The following GNL3 variants were observed in gnomAD, a reference collection of about 807,000 sequenced individuals.
The protein encoded by GNL3 is guanine nucleotide-binding protein-like 3.
GNL3 carries 77 observed loss-of-function variants against 70.6 expected under a neutral mutation model. The observed-to-expected ratio is 1.09, with a 90% CI of 0.91 to 1.32. The LOEUF (loss-of-function observed/expected upper bound fraction) is 1.32. Among genes scored for constraint, GNL3 ranks in the 40% most tolerant of loss-of-function variants. GNL3 has a pLI of 0.00. For missense variants in GNL3, 634 were observed against 644.0 expected (o/e 0.98, Z 0.17); for synonymous variants, 252 against 216.1 (o/e 1.17, Z -1.46).
intron 5 of GNL3, among the ~76,000 whole-genome samples, chr3:52,688,418 A>G (rs1253073114): frequency 6.6e-6 from 1 of 152,164 alleles, no homozygotes; most frequent in East Asian, 1.9e-4. Context: ...CTTTTCACCA[A>G]CAAATCATTT....
In GNL3 at chr3:52,691,043, C is replaced by G. The variant is rs776439464; in HGVS notation, c.753C>G (p.Cys251Trp). The G allele has an allele frequency of 6.8e-6, 11 of 1,613,858 alleles. No homozygotes were observed. Among genetic ancestry groups the G allele is most frequent in the Non-Finnish European group, 9.3e-6 (11 of 1,179,746 alleles). The change falls in exon 8 of 15, where the codon TGC becomes TGG. Residue 251 changes from cysteine to tryptophan, a missense_variant. Transcript: ENST00000418458. ...WKLLGGFQET[C>W]SKAIRVGVIG... ...TTCTTGGAGGTTTTCAGGAAACTTG[C>G]AGCAAAGCCATTCGGGTTGGAGTAA... is the stretch of plus-strand genomic sequence containing the variant.
In GNL3 at chr3:52,690,658, T is replaced by C. The variant is rs779187542; in HGVS notation, c.608T>C (p.Val203Ala). Residue 203 changes from valine to alanine, a missense_variant, in exon 7 of 15, where the codon GTG becomes GCG. By Grantham distance (64) the Val-to-Ala change is moderately conservative. Transcript: ENST00000418458. Reference sequence around the variant, plus strand: ...TTGAAGAAAGAATTGCCAACAGTGGTGTTCAGAGCCTCAACAAAACCAAAG... The same window carrying C: ...TTGAAGAAAGAATTGCCAACAGTGGCGTTCAGAGCCTCAACAAAACCAAAG... ...NYLKKELPTV[V>A]FRASTKPKDK... 15 of 1,610,820 alleles carry C rather than the reference T, an allele frequency of 9.3e-6. No individual in the cohort carries two copies. The highest frequency in any genetic ancestry group is 1.3e-5 in the Non-Finnish European group (15 of 1,176,964).
In GNL3 at chr3:52,686,063, G is replaced by A; in HGVS notation, c.-30G>A. ...CACGTGGCGCCAGCGGAGGCAGGTT[G>A]ATGTGTTTGTGCTTCCTTCTACAGC... On this transcript the variant is annotated 5_prime_UTR_variant, in exon 1 of 15. Coordinates refer to ENST00000418458, the MANE Select transcript of GNL3 (RefSeq NM_014366.5). The A allele has an allele frequency of 1.0e-6, 1 of 996,976 alleles. No homozygotes were observed. The highest frequency in any genetic ancestry group is 1.6e-6 in the Non-Finnish European group (1 of 615,508). The allele number at this position is 996,976 out of a possible 1,614,324, so 61.8% of individuals were successfully genotyped here.
chr3:52,687,236 A>AT lies in GNL3; in HGVS notation c.73-6dup. 1 of 1,600,402 alleles carries AT rather than the reference A, an allele frequency of 6.2e-7. No homozygotes were observed. ...TTTTGTAAGCAGACAAAATCTCTTTATTTTAATAGGTTCGAGAACATCATC... is the reference window on the plus strand; with the variant it reads ...TTTTGTAAGCAGACAAAATCTCTTTATTTTTAATAGGTTCGAGAACATCATC... On this transcript the variant is annotated splice_polypyrimidine_tract_variant and intron_variant, in intron 2 of 14. Transcript: ENST00000418458.
intron 2 of GNL3, 22 bp from the exon 3 acceptor site, chr3:52,687,224 C>G (rs778047355): frequency 6.3e-7 from 1 of 1,589,938 alleles, no homozygotes; most frequent in East Asian, 2.2e-5. Context: ...TGTAAGCAGA[C>G]AAAATCTCTT....
At chr3:52,693,379 C>T (rs974671621) in intron 11 of GNL3, 29 bp from the exon 12 acceptor site, 1 of 1,613,898 alleles carries the variant, frequency 6.2e-7, no homozygotes, top group African/African-American at 1.3e-5. Context: ...AATAAACCTT[C>T]TTTTGACACA....
Position 52,693,775 on chromosome 3 carries a change from A to C in GNL3, c.1468A>C (p.Ser490Arg), listed in dbSNP as rs753943998. ...KQEEREDDKDSDQETVDEEVD... is the reference protein window; with the variant it reads ...KQEEREDDKDRDQETVDEEVD... ...GGAGGAGAGGGAGGATGACAAAGAC[A>C]GTGACCAGGAAACTGTTGATGAAGA... The change falls in exon 13 of 15, where the codon AGT becomes CGT. Residue 490 changes from serine to arginine, a missense_variant. By Grantham distance (110) the Ser-to-Arg change is moderately radical. Transcript: ENST00000418458. 1.6e-5 allele frequency: 26 copies of C among 1,614,040 alleles called. No individual in the cohort carries two copies. Among genetic ancestry groups the C allele is most frequent in the Non-Finnish European group, 2.1e-5 (25 of 1,179,988 alleles).
In GNL3 at chr3:52,694,216, A is replaced by T; in HGVS notation, c.1591A>T (p.Ile531Phe). The T allele has an allele frequency of 6.3e-7, 1 of 1,598,868 alleles. No homozygotes were observed. Among genetic ancestry groups the T allele is most frequent in the Non-Finnish European group, 8.6e-7 (1 of 1,167,054 alleles). ...AGGTGAACAGTCTACAAGGTCTTTT[A>T]TCTTGGATAAAATCATTGAAGAGGA... ...TAGEQSTRSF[I>F]LDKIIEEDDA... Residue 531 changes from isoleucine (I) to phenylalanine (F), a missense_variant, in exon 15 of 15, where the codon ATC (isoleucine) becomes TTC (phenylalanine). Physicochemically the swap from Ile to Phe is conservative, Grantham distance 21. Coordinates refer to ENST00000418458, the MANE Select transcript of GNL3 (RefSeq NM_014366.5).
intron 9 of GNL3, among the ~76,000 whole-genome samples, chr3:52,692,369 A>ACTTTCTTTTTTTTTTTTTTTT (rs71087009): frequency 7.9e-6 from 1 of 126,412 alleles, no homozygotes. Context: ...CAACTTTTAG[A>ACTTTCTTTTTTTTTTTTTTTT]TTTTTTTTTT....
At chr3:52,690,133 C>T (rs1376090156) in intron 6 of GNL3, among the ~76,000 whole-genome samples, 2 of 152,196 alleles carry the variant, frequency 1.3e-5, no homozygotes, top group African/African-American at 4.8e-5. Context: ...GGTAGGGGAG[C>T]TTACCCTGCC....
chr3:52,691,030 T>G lies in GNL3; in HGVS notation c.740T>G (p.Phe247Cys). The change falls in exon 8 of 15, where the codon TTT becomes TGT. Residue 247 changes from phenylalanine (F) to cysteine (C), a missense_variant. Coordinates refer to ENST00000418458, the MANE Select transcript of GNL3 (RefSeq NM_014366.5). Reference protein sequence around the residue: ...KEGLWKLLGGFQETCSKAIRV... With the variant: ...KEGLWKLLGGCQETCSKAIRV... ...GGCCTTTGGAAACTTCTTGGAGGTT[T>G]TCAGGAAACTTGCAGCAAAGCCATT... 1.2e-6 allele frequency: 2 copies of G among 1,613,942 alleles called. No individual in the cohort carries two copies. Among genetic ancestry groups the G allele is most frequent in the Non-Finnish European group, 1.7e-6 (2 of 1,179,836 alleles).
At chr3:52,690,800 CAAGATCCA>C in intron 7 of GNL3, 96 bp downstream of exon 7, 1 of 1,146,076 alleles carries the variant, frequency 8.7e-7, no homozygotes, top group South Asian at 1.3e-5. Context: ...TGAAAAATTA[CAAGATCCA>C]ACTCTGATTT....
At chr3:52,693,974 C>A in intron 13 of GNL3, 63 bp from the exon 14 acceptor site, 1 of 1,435,180 alleles carries the variant, frequency 7.0e-7, no homozygotes, top group Non-Finnish European at 9.8e-7. Flanking sequence ...AGGTACATAA[C>A]TACTTGGATT....
At position 52,688,095 on chromosome 3, in the gene GNL3, C is replaced by T. The variant is rs1298004992; in HGVS notation, c.325-14C>T. ...TACTTCTAATTTTGTGTTATTTCCC[C>T]CTTTATCCTCTAGGAGTTTGGGCTT... On this transcript the variant is annotated splice_polypyrimidine_tract_variant and intron_variant, in intron 4 of 14. Transcript: ENST00000418458. 2.0e-6 allele frequency: 3 copies of T among 1,510,466 alleles called. No homozygotes were observed. Among genetic ancestry groups the T allele is most frequent in the Non-Finnish European group, 2.8e-6 (3 of 1,085,606 alleles). The allele number at this position is 1,510,466 out of a possible 1,614,324, so 93.6% of individuals were successfully genotyped here.
chr3:52,691,745 CAGGCTGG>C, intron 9 of GNL3, 116 bp downstream of exon 9: 1 of 649,974 alleles, frequency 1.5e-6, no homozygotes, highest in Non-Finnish European at 2.8e-6. Context: ...CTCTTGTTCC[CAGGCTGG>C]AGGGCAATGG....
intron 1 of GNL3, chr3:52,686,392 T>A (rs2097311569): frequency 6.9e-6 from 4 of 583,116 alleles, no homozygotes; most frequent in African/African-American, 1.9e-5. Flanking sequence ...AGGCCCAATA[T>A]TTTCTTTCCG....
At chr3:52,687,186 G>A in intron 2 of GNL3, 60 bp from the exon 3 acceptor site, 2 of 1,448,240 alleles carry the variant, frequency 1.4e-6, no homozygotes, top group Non-Finnish European at 1.9e-6. Context: ...TTTCTCACTT[G>A]AATTCTGCTT....
intron 5 of GNL3, 27 bp from the exon 6 acceptor site, chr3:52,689,047 T>C: frequency 6.3e-7 from 1 of 1,599,940 alleles, no homozygotes; most frequent in Non-Finnish European, 8.6e-7. Flanking sequence ...CTTGATAATG[T>C]AGTTCTGGTC....
intron 13 of GNL3, 107 bp downstream of exon 13, chr3:52,693,914 C>T (rs1166243643): frequency 1.1e-5 from 14 of 1,313,036 alleles, no homozygotes; most frequent in Non-Finnish European, 1.5e-5. Flanking sequence ...GATCCATTAG[C>T]CTTAATTTTG....
Sources: allele counts gnomAD v4.1 joint callset (sites outside exome capture counted in the v4.1 genomes callset), GRCh38; gene constraint gnomAD v4.1.1; transcripts MANE v1.5; gene names NCBI Gene and HGNC (gene_info 2026-07-23, HGNC 2026-07-21).